PHLDA1: variants seen among roughly 807,000 people sequenced by gnomAD.
The protein encoded by PHLDA1 is pleckstrin homology like domain family A member 1.
PHLDA1 carries 28 observed loss-of-function variants against 33.8 expected under a neutral mutation model. That is an observed-to-expected ratio of 0.83 (90% CI 0.61 to 1.14). The LOEUF (loss-of-function observed/expected upper bound fraction) is 1.14. Among genes scored for constraint, PHLDA1 ranks in the 50% most tolerant of loss-of-function variants. The pLI is 0.00. For missense variants in PHLDA1, 595 were observed against 548.6 expected, an observed-to-expected ratio of 1.08 and a Z score of -0.84; for synonymous variants, 271 against 243.6, an observed-to-expected ratio of 1.11 and a Z score of -1.05.
chr12:76,030,421 G>A, intron 1 of PHLDA1, 89 bp downstream of exon 1: 1 of 1,007,730 alleles, frequency 9.9e-7, no homozygotes, highest in Admixed American at 2.1e-5. Flanking sequence ...TCTCCATACA[G>A]GAGCCGAACC....
chr12:76,030,974 C>T (rs1330172278), exon 1 of PHLDA1: 1 of 1,613,992 alleles, frequency 6.2e-7, no homozygotes, highest in Non-Finnish European at 8.5e-7. Flanking sequence ...TGCCCTCTGC[C>T]ATCACCACAG....
At position 76,031,460 on chromosome 12, in the gene PHLDA1, A is replaced by G; in HGVS notation, c.282T>C (p.Val94=). Residue 94 remains valine, a synonymous_variant, in exon 1 of 2, where the codon GTT becomes GTC. Coordinates refer to ENST00000266671, the Ensembl canonical transcript of PHLDA1. The surrounding 1 kb of genome is among the most constrained non-coding windows in gnomAD (Gnocchi z 5.4). ...CTGCCCGGAGCGCGCAGAGGAGGCTAACACGCAGGAGGCAGAGCGGCGGCG... is the reference window on the plus strand; with the variant it reads ...CTGCCCGGAGCGCGCAGAGGAGGCTGACACGCAGGAGGCAGAGCGGCGGCG... 1 of 1,538,356 alleles carries G rather than the reference A, an allele frequency of 6.5e-7. No individual in the cohort carries two copies. Among genetic ancestry groups the G allele is most frequent in the Non-Finnish European group, 8.7e-7 (1 of 1,144,034 alleles).
exon 2 of PHLDA1, chr12:76,029,293 C>T (rs993098186): frequency 2.0e-5 from 3 of 152,214 alleles, no homozygotes; most frequent in Non-Finnish European, 4.4e-5. Context: ...AAGGCCTCTT[C>T]TCCTTATTAA....
exon 1 of PHLDA1, chr12:76,030,755 G>A (rs1361201075): frequency 1.5e-6 from 2 of 1,316,440 alleles, no homozygotes; most frequent in Non-Finnish European, 2.1e-6. Flanking sequence ...ATTGGGGCTG[G>A]GGTTGCGGCT....
Position 76,031,446 on chromosome 12 carries a change from G to A in PHLDA1, c.296C>T (p.Ala99Val). 1 of 1,540,814 alleles carries A rather than the reference G, an allele frequency of 6.5e-7. No individual in the cohort carries two copies. Among genetic ancestry groups the A allele is most frequent in the Non-Finnish European group, 8.7e-7 (1 of 1,145,212 alleles). ...GCTCCCACGGCCGCCTGCCCGGAGC[G>A]CGCAGAGGAGGCTAACACGCAGGAG... is the stretch of plus-strand genomic sequence containing the variant. Residue 99 changes from alanine to valine, a missense_variant, in exon 1 of 2, where the codon GCG becomes GTG. By Grantham distance (64) the Ala-to-Val change is moderately conservative. Coordinates refer to ENST00000266671, the Ensembl canonical transcript of PHLDA1. This position sits in a 1 kb window ranked among gnomAD's most constrained non-coding sequence, Gnocchi z 5.4.
In PHLDA1 at chr12:76,031,206, A is replaced by T; in HGVS notation, c.536T>A (p.Leu179Gln). The T allele has an allele frequency of 6.2e-7, 1 of 1,613,508 alleles. No individual in the cohort carries two copies. The highest frequency in any genetic ancestry group is 8.5e-7 in the Non-Finnish European group (1 of 1,179,850). Residue 179 changes from leucine to glutamine, a missense_variant, in exon 1 of 2, where the codon CTG (leucine) becomes CAG (glutamine). By Grantham distance (113) the Leu-to-Gln change is moderately radical (BLOSUM62 -2). Around this residue, in one of 3 missense-constraint regions of PHLDA1, gnomAD observed 328 missense variants for 295.7 expected, o/e 1.11. Coordinates refer to ENST00000266671, the Ensembl canonical transcript of PHLDA1. The surrounding 1 kb of genome is among the most constrained non-coding windows in gnomAD (Gnocchi z 5.4). ...CAGCTGCTTGGGCGGGATAAGCAGC[A>T]GCCCTTCCTCGGTGAGGATGCAACA...
At chr12:76,030,622 G>T in exon 1 of PHLDA1, 1 of 1,563,036 alleles carries the variant, frequency 6.4e-7, no homozygotes, top group Non-Finnish European at 8.8e-7. Context: ...ATTTGGTGCG[G>T]ATGCGGGTGC....
chr12:76,025,740 G>A (rs1395350435), exon 2 of PHLDA1: 1 of 152,192 alleles, frequency 6.6e-6, no homozygotes, highest in Non-Finnish European at 1.5e-5. Flanking sequence ...ACTCCCTGTT[G>A]TTAAAACCTG....
chr12:76,027,811 A>G (rs1023609858), exon 2 of PHLDA1: 1 of 151,784 alleles, frequency 6.6e-6, no homozygotes, highest in Non-Finnish European at 1.5e-5. Flanking sequence ...CCTATTAAGA[A>G]CCATGGCCAC....
chr12:76,031,493 T>C lies in PHLDA1; in HGVS notation c.249A>G (p.Pro83=). Residue 83 remains proline (P), a synonymous_variant, in exon 1 of 2, where the codon CCA becomes CCG. Coordinates refer to ENST00000266671, the Ensembl canonical transcript of PHLDA1. The surrounding 1 kb of genome is among the most constrained non-coding windows in gnomAD (Gnocchi z 5.4). ...GGAGGCAGAGCGGCGGCGGCGGCTCTGGGTCCCGGCAGAGGGACAGCCGCG... is the reference window on the plus strand; with the variant it reads ...GGAGGCAGAGCGGCGGCGGCGGCTCCGGGTCCCGGCAGAGGGACAGCCGCG... 1 of 1,520,568 alleles carries C rather than the reference T, an allele frequency of 6.6e-7. No individual in the cohort carries two copies. Among genetic ancestry groups the C allele is most frequent in the Admixed American group, 2.2e-5 (1 of 46,446 alleles). 94.2% of individuals were successfully genotyped at this position (1,520,568 alleles called of 1,614,324 possible).
intron 1 of PHLDA1, among the ~76,000 whole-genome samples, 176 bp downstream of exon 1, chr12:76,030,334 C>A (rs12580922): frequency 0.091 from 13,914 of 152,232 alleles, 1,573 homozygotes; most frequent in East Asian, 0.53. Flanking sequence ...CCAGCCTCCC[C>A]TCTCTGCCCA....
At chr12:76,030,724 G>C in exon 1 of PHLDA1, 1 of 1,193,734 alleles carries the variant, frequency 8.4e-7, no homozygotes, top group Non-Finnish European at 1.2e-6. Flanking sequence ...GGCTTGGGTT[G>C]GGGCTGAGGC....
chr12:76,030,869 C>T (rs934225621), exon 1 of PHLDA1: 1 of 1,609,624 alleles, frequency 6.2e-7, no homozygotes, highest in African/African-American at 1.3e-5. Context: ...TGGATTTGAC[C>T]GCCAGGATGG....
At chr12:76,026,792 T>C (rs1032302829) in exon 2 of PHLDA1, 1 of 152,332 alleles carries the variant, frequency 6.6e-6, no homozygotes, top group South Asian at 2.1e-4. Context: ...TCTAAATGGA[T>C]TTCCACTAAG....
rs1565702354 is a variant in PHLDA1, at chr12:76,031,403, G to GCCGTCCTCGCC, written c.328_338dup (p.Leu116ThrfsTer40). On this transcript the variant is annotated frameshift_variant, in exon 1 of 2. Coordinates refer to ENST00000266671, the Ensembl canonical transcript of PHLDA1. LOFTEE classifies it high-confidence loss of function. The surrounding 1 kb of genome is among the most constrained non-coding windows in gnomAD (Gnocchi z 5.4). The stretch of plus-strand genomic sequence containing the variant: ...CCGGGGGCAGCAGCAGCAGCCTCGC[G>GCCGTCCTCGCC]CCGTCCTCGCCCCAGCGGCTCCCAC... The GCCGTCCTCGCC allele has an allele frequency of 1.3e-6, 2 of 1,583,096 alleles. No homozygotes were observed. The highest frequency in any genetic ancestry group is 3.6e-5 in the Admixed American group (2 of 56,066).
chr12:76,030,701 C>A, exon 1 of PHLDA1: 1 of 1,153,812 alleles, frequency 8.7e-7, no homozygotes, highest in Non-Finnish European at 1.3e-6. Flanking sequence ...ACGGGTGGAG[C>A]TGCTGGGGCT....
chr12:76,028,203 T>C (rs935338383), exon 2 of PHLDA1: 3 of 151,160 alleles, frequency 2.0e-5, no homozygotes, highest in Admixed American at 6.6e-5. Context: ...CATATATACA[T>C]ATTCATATAT....
exon 2 of PHLDA1, chr12:76,026,634 A>G (rs1565700965): frequency 6.6e-6 from 1 of 152,200 alleles, no homozygotes; most frequent in Non-Finnish European, 1.5e-5. Flanking sequence ...AAACAAAAAC[A>G]TAAACATCTG....
At chr12:76,027,473 A>C (rs1870797769) in exon 2 of PHLDA1, 1 of 152,110 alleles carries the variant, frequency 6.6e-6, no homozygotes, top group East Asian at 1.9e-4. Flanking sequence ...AGAAACCATT[A>C]TTCTGGGGCC....
Sources: allele counts gnomAD v4.1 joint callset (sites outside exome capture counted in the v4.1 genomes callset), GRCh38; gene constraint gnomAD v4.1.1; regional missense constraint gnomAD v4.1.1; non-coding constraint Gnocchi (gnomAD v3.1); transcripts MANE v1.5; gene names NCBI Gene and HGNC (gene_info 2026-07-23, HGNC 2026-07-21).